Variants in AGAP2 observed in about 807,000 individuals in gnomAD.
AGAP2 encodes ArfGAP with GTPase domain, ankyrin repeat and PH domain 2.
In AGAP2, 32 loss-of-function variants were observed where a neutral mutation model predicts 110.9. The observed-to-expected ratio is 0.29, with a 90% CI of 0.22 to 0.39. The LOEUF (loss-of-function observed/expected upper bound fraction) is 0.39. Among genes scored for constraint, AGAP2 ranks in the 10% least tolerant of loss-of-function variants. The pLI is 1.00. For missense variants in AGAP2, 1,285 were observed against 1,638.5 expected (o/e 0.78, Z 3.72); for synonymous variants, 702 against 713.0 (o/e 0.98, Z 0.25).
intron 13 of AGAP2, among the ~76,000 whole-genome samples, 153 bp downstream of exon 13, chr12:57,729,486 T>C (rs1308152165): frequency 6.6e-6 from 1 of 152,110 alleles, no homozygotes; most frequent in Non-Finnish European, 1.5e-5. Flanking sequence ...CTGGGGGATG[T>C]CCATCCACTC....
intron 1 of AGAP2, among the ~76,000 whole-genome samples, chr12:57,736,707 C>T (rs2140366283): frequency 6.6e-6 from 1 of 152,348 alleles, no homozygotes; most frequent in East Asian, 1.9e-4. Context: ...ATCCCCTTCA[C>T]CTTCAACGTC....
In AGAP2 at chr12:57,737,747, G is replaced by A; in HGVS notation, c.500C>T (p.Ser167Phe). ...GRAGGGIPGSSSPHPGTGSRR... is the reference protein window; with the variant it reads ...GRAGGGIPGSFSPHPGTGSRR... Reference sequence around the variant, plus strand: ...GCTGCCGGTGCCAGGGTGCGGAGAGGATGAGCCAGGGATGCCGCCGCCCGC... The same window carrying A: ...GCTGCCGGTGCCAGGGTGCGGAGAGAATGAGCCAGGGATGCCGCCGCCCGC... Residue 167 changes from serine to phenylalanine, a missense_variant, in exon 1 of 19, where the codon TCC becomes TTC. Around this residue, in one of 7 missense-constraint regions of AGAP2, gnomAD observed 844 missense variants for 941.2 expected, o/e 0.90. Transcript: ENST00000547588. This position sits in a 1 kb window ranked among gnomAD's most constrained non-coding sequence, Gnocchi z 5.9. 4 of 1,540,438 alleles carry A rather than the reference G, an allele frequency of 2.6e-6. No individual in the cohort carries two copies. Among genetic ancestry groups the A allele is most frequent in the Non-Finnish European group, 3.5e-6 (4 of 1,148,288 alleles).
Position 57,737,983 on chromosome 12 carries a change from C to T in AGAP2, c.264G>A (p.Ala88=). The change falls in exon 1 of 19, where the codon GCG becomes GCA. Residue 88 remains alanine (A), a synonymous_variant. Coordinates refer to ENST00000547588, the MANE Select transcript of AGAP2 (RefSeq NM_001122772.3). This position sits in a 1 kb window ranked among gnomAD's most constrained non-coding sequence, Gnocchi z 5.9. ...GAGCCGGGGACAGGGCTGGGGGCTC[C>T]GCGCCCCCGGTGCCCGCGCTGCTCG... ...ISTSSAGTGG[A]EPPALSPAPA... 6.2e-6 allele frequency: 9 copies of T among 1,442,582 alleles called. No homozygotes were observed. The highest frequency in any genetic ancestry group is 7.2e-6 in the Non-Finnish European group (8 of 1,104,846). The allele number at this position is 1,442,582 out of a possible 1,614,324, so 89.4% of individuals were successfully genotyped here.
chr12:57,740,192 G>A (rs1441837217), upstream of AGAP2, among the ~76,000 whole-genome samples: 2 of 151,972 alleles, frequency 1.3e-5, no homozygotes, highest in Admixed American at 6.5e-5. Context: ...AGCCCGCAGC[G>A]TGCTTGGCCT....
In AGAP2 at chr12:57,731,498, G is replaced by GA. The variant is rs149376062; in HGVS notation, c.2041-29dup. The GA allele has an allele frequency of 5.8e-4, 933 of 1,613,884 alleles. 5 individuals carry two copies. The African/African-American group carries it at 0.011, about 19-fold the overall frequency. On this transcript the variant is annotated intron_variant, in intron 9 of 18. Transcript: ENST00000547588. ...GGAGAAAGGGGAAAGACACATGTGGGAAAAAAGCCAACTAAGACCAGCTGC... is the reference window on the plus strand; with the variant it reads ...GGAGAAAGGGGAAAGACACATGTGGGAAAAAAAGCCAACTAAGACCAGCTGC...
chr12:57,740,113 T>G (rs910371227), upstream of AGAP2: 1 of 151,734 alleles, frequency 6.6e-6, no homozygotes, highest in Non-Finnish European at 1.5e-5. Context: ...TCCCCTGATT[T>G]GGCGTCCCAC....
At chr12:57,724,857 C>T (rs1003621192), downstream of AGAP2, 1 of 152,446 alleles carries the variant, frequency 6.6e-6, no homozygotes, top group African/African-American at 2.4e-5. Flanking sequence ...CTCCAAAGTT[C>T]CTGCTCTTAA....
rs1954894861 is a variant in AGAP2 at position 57,731,950 on chromosome 12, G to A, written c.1812C>T (p.His604=). 1.9e-6 allele frequency: 3 copies of A among 1,613,600 alleles called. No homozygotes were observed. Among genetic ancestry groups the A allele is most frequent in the Non-Finnish European group, 2.5e-6 (3 of 1,179,974 alleles). The change falls in exon 8 of 19, where the codon CAC becomes CAT. Residue 604 remains histidine, a synonymous_variant. Coordinates refer to ENST00000547588, the MANE Select transcript of AGAP2 (RefSeq NM_001122772.3). ...PVAGQASNGG[H]TSDYSSSLPS... ...GGAGGGAAGAAGAGTAGTCGCTAGT[G>A]TGGCCCCCGTTACTAGCCTGGGCAC...
Position 57,726,759 on chromosome 12 carries a change from G to T in AGAP2, c.3372C>A (p.Gly1124=), listed in dbSNP as rs888379215. Residue 1124 remains glycine, a synonymous_variant, in exon 19 of 19, where the codon GGC becomes GGA. Transcript: ENST00000547588. The surrounding 1 kb of genome is among the most constrained non-coding windows in gnomAD (Gnocchi z 5.7). The part of the protein sequence containing the change: ...GADVAARDAQ[G]RTALFYARQA... The stretch of plus-strand genomic sequence containing the variant: ...GGCGGGCGTAGAACAGCGCCGTGCG[G>T]CCCTGGGCGTCACGGGCCGCCACGT... The T allele has an allele frequency of 3.3e-5, 45 of 1,351,876 alleles. No individual in the cohort carries two copies. Among genetic ancestry groups the T allele is most frequent in the Non-Finnish European group, 4.1e-5 (43 of 1,056,444 alleles). The allele number at this position is 1,351,876 out of a possible 1,614,324, so 83.7% of individuals were successfully genotyped here. A position where few individuals can be genotyped will look rare whatever the true frequency, so the allele number is the denominator to read the frequency against.
upstream of AGAP2, among the ~76,000 whole-genome samples, chr12:57,739,001 T>TC (rs950085467): frequency 2.9e-3 from 209 of 73,198 alleles, no homozygotes; most frequent in Non-Finnish European, 2.9e-3. Context: ...CCACCCTATC[T>TC]CCCCCCCACC....
chr12:57,730,616 T>C lies in AGAP2; in HGVS notation c.2309-2A>G. The C allele has an allele frequency of 6.2e-7, 1 of 1,612,262 alleles. No homozygotes were observed. Reference sequence around the variant, plus strand: ...GGCTTGGCATGGGAGTAGTGGCTTCTGTCGGAAGAAGATGAAACCTCAGTG... The same window carrying C: ...GGCTTGGCATGGGAGTAGTGGCTTCCGTCGGAAGAAGATGAAACCTCAGTG... On this transcript the variant is annotated splice_acceptor_variant, in intron 11 of 18. Transcript: ENST00000547588. LOFTEE classifies it high-confidence loss of function.
upstream of AGAP2, chr12:57,741,979 C>A (rs2140372931): frequency 6.2e-7 from 1 of 1,614,192 alleles, no homozygotes; most frequent in Non-Finnish European, 8.5e-7. Context: ...TCTCTGCCAG[C>A]TTCCTGAGGC....
At position 57,735,419 on chromosome 12, in the gene AGAP2, T is replaced by C. The variant is rs1954961972; in HGVS notation, c.1177A>G (p.Ile393Val). The C allele has an allele frequency of 1.9e-6, 3 of 1,613,486 alleles. No homozygotes were observed. Among genetic ancestry groups the C allele is most frequent in the Non-Finnish European group, 2.5e-6 (3 of 1,179,898 alleles). The change falls in exon 2 of 19, where the codon ATC becomes GTC. Residue 393 changes from isoleucine to valine, a missense_variant. Ile to Val is a conservative substitution (Grantham distance 29). Around this residue, in one of 7 missense-constraint regions of AGAP2, gnomAD observed 844 missense variants for 941.2 expected, o/e 0.90. Transcript: ENST00000547588. ...AELRASPKAV[I>V]NSQEWTLSRS... ...CTCAAAGTCCATTCCTGGCTATTGA[T>C]CACAGCCTCTGTAACGGGAGAAGGG...
At position 57,737,181 on chromosome 12, in the gene AGAP2, T is replaced by A; in HGVS notation, c.1066A>T (p.Thr356Ser). 1 of 1,589,508 alleles carries A rather than the reference T, an allele frequency of 6.3e-7. No individual in the cohort carries two copies. The highest frequency in any genetic ancestry group is 8.6e-7 in the Non-Finnish European group (1 of 1,168,228). Residue 356 changes from threonine (T) to serine (S), a missense_variant, in exon 1 of 19, where the codon ACA becomes TCA. Thr to Ser is a moderately conservative substitution (Grantham distance 58). Transcript: ENST00000547588. This position sits in a 1 kb window ranked among gnomAD's most constrained non-coding sequence, Gnocchi z 5.9. ...KFISGIFTKS[T>S]GGPPGSGPLP... ...GGCCCGGAGCCAGGAGGCCCTCCTG[T>A]GCTCTTGGTGAAGATGCCGCTGATA...
intron 1 of AGAP2, among the ~76,000 whole-genome samples, chr12:57,736,159 G>C (rs1565796866): frequency 6.6e-6 from 1 of 151,952 alleles, no homozygotes; most frequent in South Asian, 2.1e-4. Context: ...CAGCTGCGGC[G>C]GGAACTCTGG....
chr12:57,732,783 C>T, intron 6 of AGAP2, 62 bp downstream of exon 6: 13 of 1,603,286 alleles, frequency 8.1e-6, no homozygotes, highest in Non-Finnish European at 1.1e-5. Flanking sequence ...TGCCTGACCA[C>T]TGAGAATATC....
chr12:57,732,956 G>A lies in AGAP2; in HGVS notation c.1573C>T (p.Arg525Trp), dbSNP rs1954914627. Residue 525 changes from arginine (R) to tryptophan (W), a missense_variant, in exon 6 of 19, where the codon CGG becomes TGG. Physicochemically the swap from Arg to Trp is moderately radical, Grantham distance 101. Around this residue, in one of 7 missense-constraint regions of AGAP2, gnomAD observed 844 missense variants for 941.2 expected, o/e 0.90. Transcript: ENST00000547588. ...TQDRISASSP[R>W]VVGDARARAL... is the part of the protein sequence containing the mutation. Reference sequence around the variant, plus strand: ...CTGGCACGAGCATCTCCCACCACCCGAGGGGAGGAAGCACTGATCCTGTCT... The same window carrying A: ...CTGGCACGAGCATCTCCCACCACCCAAGGGGAGGAAGCACTGATCCTGTCT... 5.6e-6 allele frequency: 9 copies of A among 1,613,920 alleles called. No homozygotes were observed. Among genetic ancestry groups the A allele is most frequent in the Non-Finnish European group, 7.6e-6 (9 of 1,180,034 alleles).
upstream of AGAP2, among the ~76,000 whole-genome samples, chr12:57,740,391 G>A (rs1343440437): frequency 6.6e-6 from 1 of 152,160 alleles, no homozygotes; most frequent in Non-Finnish European, 1.5e-5. Flanking sequence ...GATGGAGAGG[G>A]TGAAGGAGAA....
At chr12:57,730,674 G>T in intron 11 of AGAP2, 60 bp from the exon 12 acceptor site, 1 of 1,605,450 alleles carries the variant, frequency 6.2e-7, no homozygotes, top group Non-Finnish European at 8.5e-7. Context: ...TCCTTATGTG[G>T]TCCCTCTTTA....
Sources: allele counts gnomAD v4.1 joint callset (sites outside exome capture counted in the v4.1 genomes callset), GRCh38; gene constraint gnomAD v4.1.1; regional missense constraint gnomAD v4.1.1; non-coding constraint Gnocchi (gnomAD v3.1); transcripts MANE v1.5; gene names NCBI Gene and HGNC (gene_info 2026-07-23, HGNC 2026-07-21).